The following PABPC4L variants were observed in gnomAD, a reference collection of about 807,000 sequenced individuals.
The protein encoded by PABPC4L is poly(A) binding protein cytoplasmic 4 like.
For synonymous variants in PABPC4L, 169 were observed against 164.1 expected, an observed-to-expected ratio of 1.03 and a Z score of -0.23; for missense variants, 452 against 451.4, an observed-to-expected ratio of 1.00 and a Z score of -0.01.
chr4:134,002,999 C>T, the PABPC4L span, among the ~76,000 whole-genome samples: 14 of 151,840 alleles, frequency 9.2e-5, no homozygotes, highest in African/African-American at 2.4e-4. Flanking sequence ...TAAAATTACC[C>T]TAAATCACTA....
chr4:133,973,698 C>T, the PABPC4L span, among the ~76,000 whole-genome samples: 39 of 152,178 alleles, frequency 2.6e-4, no homozygotes, highest in East Asian at 7.3e-3. Context: ...TGGAAAACAC[C>T]ACTCAGTTTA....
At chr4:134,111,750 C>T in the PABPC4L span, among the ~76,000 whole-genome samples, 1 of 151,906 alleles carries the variant, frequency 6.6e-6, no homozygotes, top group Non-Finnish European at 1.5e-5. Context: ...CTCTTGTCTG[C>T]CACCATGTGA....
At chr4:134,045,258 A>G in the PABPC4L span, among the ~76,000 whole-genome samples, 22,699 of 152,118 alleles carry the variant, frequency 0.15, 2,007 homozygotes, top group Non-Finnish European at 0.19. Flanking sequence ...ACCCATGAAA[A>G]AACAATTCTC....
chr4:134,176,223 T>G, the PABPC4L span, among the ~76,000 whole-genome samples: 1 of 152,222 alleles, frequency 6.6e-6, no homozygotes, highest in African/African-American at 2.4e-5. Context: ...ATTCATGATA[T>G]AATTAATAGA....
chr4:133,980,877 G>A, the PABPC4L span, among the ~76,000 whole-genome samples: 3 of 152,126 alleles, frequency 2.0e-5, no homozygotes, highest in African/African-American at 7.2e-5. Context: ...CCACCAAAAG[G>A]CCGGGCACAG....
At chr4:134,145,097 T>C in the PABPC4L span, among the ~76,000 whole-genome samples, 10 of 151,772 alleles carry the variant, frequency 6.6e-5, no homozygotes, top group African/African-American at 2.4e-4. Flanking sequence ...AATTAGTACT[T>C]AATTATAGGT....
chr4:133,988,092 C>T, the PABPC4L span, among the ~76,000 whole-genome samples: 3 of 152,148 alleles, frequency 2.0e-5, no homozygotes, highest in African/African-American at 7.2e-5. Context: ...ATTCAATTAC[C>T]TCCCACAATG....
chr4:134,042,265 T>G, the PABPC4L span, among the ~76,000 whole-genome samples: 2 of 151,668 alleles, frequency 1.3e-5, no homozygotes, highest in Non-Finnish European at 1.5e-5. Context: ...GCATGCAGAG[T>G]GGTACAATGG....
the PABPC4L span, among the ~76,000 whole-genome samples, chr4:134,014,681 A>G: frequency 2.8e-3 from 429 of 150,588 alleles, 4 homozygotes; most frequent in African/African-American, 9.9e-3. Context: ...AGCCCCTTAG[A>G]CCATCACGGA....
chr4:134,177,375 C>T, the PABPC4L span, among the ~76,000 whole-genome samples: 2 of 151,822 alleles, frequency 1.3e-5, no homozygotes, highest in Non-Finnish European at 2.9e-5. Context: ...GGGGTTTCAC[C>T]ATATTGGCCA....
chr4:133,959,127 C>T, the PABPC4L span, among the ~76,000 whole-genome samples: 1 of 150,960 alleles, frequency 6.6e-6, no homozygotes, highest in African/African-American at 2.5e-5. Context: ...AGGCTTCATT[C>T]CAAAATACAT....
At chr4:134,120,460 T>C in the PABPC4L span, among the ~76,000 whole-genome samples, 10 of 150,244 alleles carry the variant, frequency 6.7e-5, no homozygotes, top group East Asian at 1.8e-3. Context: ...TTATATATTA[T>C]AATGTTCTTC....
chr4:134,081,020 T>C, the PABPC4L span, among the ~76,000 whole-genome samples: 1 of 152,210 alleles, frequency 6.6e-6, no homozygotes, highest in African/African-American at 2.4e-5. Context: ...ATTTCTATTA[T>C]AGACATCTAA....
At chr4:134,125,982 G>A in the PABPC4L span, among the ~76,000 whole-genome samples, 2 of 152,114 alleles carry the variant, frequency 1.3e-5, no homozygotes, top group African/African-American at 4.8e-5. Context: ...GGAATAGTAG[G>A]TAACTTTCAG....
the PABPC4L span, among the ~76,000 whole-genome samples, chr4:134,077,697 T>C: frequency 6.6e-6 from 1 of 152,164 alleles, no homozygotes; most frequent in Non-Finnish European, 1.5e-5. Context: ...CCTCTGGCCT[T>C]TGTGTTCTAA....
chr4:134,178,515 G>C, the PABPC4L span, among the ~76,000 whole-genome samples: 1 of 151,848 alleles, frequency 6.6e-6, no homozygotes, highest in African/African-American at 2.4e-5. Context: ...GATTGCACTC[G>C]TTCACCAGCA....
At chr4:134,063,036 G>T in the PABPC4L span, among the ~76,000 whole-genome samples, 2 of 152,098 alleles carry the variant, frequency 1.3e-5, no homozygotes, top group Admixed American at 1.3e-4. Flanking sequence ...AACTAGACAA[G>T]CCAGACAAAA....
At chr4:134,134,576 T>C in the PABPC4L span, among the ~76,000 whole-genome samples, 12 of 151,640 alleles carry the variant, frequency 7.9e-5, no homozygotes, top group East Asian at 2.1e-3. Flanking sequence ...ACAGAGAATG[T>C]TAGTTAAAGT....
the PABPC4L span, among the ~76,000 whole-genome samples, chr4:133,969,299 T>A: frequency 6.6e-6 from 1 of 152,276 alleles, no homozygotes; most frequent in Non-Finnish European, 1.5e-5. Context: ...AAAATGAAAT[T>A]GTCTAGATAA....
Sources: allele counts gnomAD v4.1 joint callset (sites outside exome capture counted in the v4.1 genomes callset), GRCh38; gene constraint gnomAD v4.1.1; transcripts MANE v1.5; gene names NCBI Gene and HGNC (gene_info 2026-07-23, HGNC 2026-07-21).